The following ZNF487 variants were observed in gnomAD, a reference collection of about 807,000 sequenced individuals.
ZNF487 encodes the protein KRAB domain only 1.
In ZNF487, 4 loss-of-function variants were observed where a neutral mutation model predicts 3.0. The observed-to-expected ratio is 1.35, with a 90% confidence interval of 0.66 to 3.08. The LOEUF is 3.08. ZNF487 is among the 30% of genes most tolerant of loss of function. The pLI, the probability that ZNF487 is intolerant of heterozygous loss-of-function variation, is 0.01. For missense variants in ZNF487, 146 were observed against 98.7 expected (o/e 1.48, Z -2.03); for synonymous variants, 55 against 34.6 (o/e 1.59, Z -2.06).
chr10:43,505,394 C>T, the ZNF487 span, among the ~76,000 whole-genome samples: 1 of 151,868 alleles, frequency 6.6e-6, no homozygotes, highest in Non-Finnish European at 1.5e-5. Flanking sequence ...AAGTGATTCT[C>T]CTGCCTCAGC....
chr10:43,498,093 ATATATATTTTTTTTTTTTTTCTTTTT>A, the ZNF487 span, among the ~76,000 whole-genome samples: 19 of 13,262 alleles, frequency 1.4e-3, no homozygotes, highest in South Asian at 3.2e-3. Flanking sequence ...ATATATATAT[ATATATATTTTTTTTTTTTTTCTTTTT>A]TTTTTTTTTT....
chr10:43,441,866 C>T (rs1320381348), intron 1 of ZNF487, among the ~76,000 whole-genome samples: 1 of 152,194 alleles, frequency 6.6e-6, no homozygotes, highest in South Asian at 2.1e-4. Flanking sequence ...GGATTACAGG[C>T]GTGAGCCACC....
chr10:43,460,117 T>A (rs1840375873), intron 1 of ZNF487, among the ~76,000 whole-genome samples: 1 of 151,974 alleles, frequency 6.6e-6, no homozygotes, highest in Non-Finnish European at 1.5e-5. Context: ...ATTATTATTA[T>A]TTTTTTAGCT....
At chr10:43,479,862 G>T (rs553073661) in intron 3 of ZNF487, among the ~76,000 whole-genome samples, 1 of 151,902 alleles carries the variant, frequency 6.6e-6, no homozygotes, top group African/African-American at 2.4e-5. Context: ...TGCCGTGTTG[G>T]CAAGGCTGGT....
intron 1 of ZNF487, among the ~76,000 whole-genome samples, chr10:43,461,617 G>A (rs1454248813): frequency 1.3e-5 from 2 of 151,990 alleles, no homozygotes; most frequent in Non-Finnish European, 1.5e-5. Context: ...CACTGCCCCC[G>A]GCCTTTGTTA....
At chr10:43,522,851 C>A in the ZNF487 span, among the ~76,000 whole-genome samples, 6 of 152,206 alleles carry the variant, frequency 3.9e-5, no homozygotes, top group Admixed American at 6.5e-5. Flanking sequence ...CTCCTCCAAA[C>A]TTAATTTTTT....
chr10:43,465,148 C>T (rs1446666746), intron 1 of ZNF487, among the ~76,000 whole-genome samples: 18 of 120,048 alleles, frequency 1.5e-4, no homozygotes, highest in Admixed American at 1.4e-3. Flanking sequence ...GGGGCTGACC[C>T]GCCCACCTCC....
chr10:43,512,506 G>A, the ZNF487 span, among the ~76,000 whole-genome samples: 1 of 152,144 alleles, frequency 6.6e-6, no homozygotes. Context: ...TTCCACCAGA[G>A]CCCAGTAATA....
intron 1 of ZNF487, among the ~76,000 whole-genome samples, chr10:43,471,159 C>T (rs997526857): frequency 5.9e-5 from 9 of 152,144 alleles, no homozygotes; most frequent in Non-Finnish European, 1.0e-4. Context: ...TTGTTGGACT[C>T]GTGACAGGGC....
chr10:43,473,421 C>G (rs1840977745), intron 1 of ZNF487, among the ~76,000 whole-genome samples: 1 of 152,078 alleles, frequency 6.6e-6, no homozygotes, highest in African/African-American at 2.4e-5. Context: ...TTTCTTTTCA[C>G]TGGGGTATTT....
the ZNF487 span, among the ~76,000 whole-genome samples, chr10:43,492,393 A>C: frequency 3.9e-5 from 6 of 151,924 alleles, no homozygotes; most frequent in African/African-American, 1.5e-4. Context: ...TGTGTTTCAC[A>C]TAGGTACTAC....
intron 3 of ZNF487, among the ~76,000 whole-genome samples, chr10:43,477,234 T>C (rs1231971911): frequency 1.3e-5 from 2 of 151,618 alleles, no homozygotes; most frequent in Non-Finnish European, 2.9e-5. Flanking sequence ...TCTCTCTCAG[T>C]CTCACAGGCT....
chr10:43,447,617 T>G lies in ZNF487; in HGVS notation c.-94+10355T>G, dbSNP rs369556635. The stretch of plus-strand genomic sequence containing the variant: ...TGCCCTGTGTGAGCACTGGGCACTA[T>G]TCCCTCTGATCTTTTTAGATGGTTC... On this transcript the variant is annotated intron_variant, in intron 1 of 3. Transcript: ENST00000437590. Among the ~76,000 whole-genome samples, 3 of 152,188 alleles carry G rather than the reference T, an allele frequency of 2.0e-5. No individual in the cohort carries two copies. In the East Asian group the frequency reaches 5.8e-4, roughly 29 times the overall value.
chr10:43,487,996 C>T (rs1211345456), downstream of ZNF487, among the ~76,000 whole-genome samples: 2 of 145,810 alleles, frequency 1.4e-5, no homozygotes, highest in Non-Finnish European at 3.0e-5. Context: ...GTCCCAACTA[C>T]TCAGGCTGAG....
At chr10:43,463,769 A>C (rs1400455958) in intron 1 of ZNF487, among the ~76,000 whole-genome samples, 2 of 148,686 alleles carry the variant, frequency 1.3e-5, no homozygotes, top group African/African-American at 2.5e-5. Flanking sequence ...CATTTTGGTA[A>C]TTCTTGCCCT....
chr10:43,470,450 C>G (rs1409052939), intron 1 of ZNF487, among the ~76,000 whole-genome samples: 2 of 151,720 alleles, frequency 1.3e-5, no homozygotes, highest in Non-Finnish European at 2.9e-5. Flanking sequence ...ATGGCGTGAT[C>G]TCACCTCACC....
At chr10:43,440,203 C>A (rs912799208) in intron 1 of ZNF487, among the ~76,000 whole-genome samples, 3 of 151,898 alleles carry the variant, frequency 2.0e-5, no homozygotes, top group Non-Finnish European at 4.4e-5. Context: ...TGCCCGCCAC[C>A]ATGCCTGGCT....
chr10:43,499,670 G>A, the ZNF487 span, among the ~76,000 whole-genome samples: 3 of 151,990 alleles, frequency 2.0e-5, no homozygotes, highest in Non-Finnish European at 2.9e-5. Context: ...AGGATCTCGT[G>A]AGCCTGGGCA....
At chr10:43,493,703 AAAAAAAATATATATATATAT>A in the ZNF487 span, among the ~76,000 whole-genome samples, 1 of 86,370 alleles carries the variant, frequency 1.2e-5, no homozygotes. Flanking sequence ...AAGAAAAAAA[AAAAAAAATATATATATATAT>A]ATATATATAT....
Sources: allele counts gnomAD v4.1 joint callset (sites outside exome capture counted in the v4.1 genomes callset), GRCh38; gene constraint gnomAD v4.1.1; transcripts MANE v1.5; gene names NCBI Gene and HGNC (gene_info 2026-07-23, HGNC 2026-07-21).